The following CAPN3 variants were observed in gnomAD, a reference collection of about 807,000 sequenced individuals.
The protein encoded by CAPN3 is calpain 3.
A neutral mutation model predicts 114.0 loss-of-function variants in CAPN3; 88 were observed. The ratio of observed to expected loss-of-function variants is 0.77; its 90% confidence interval spans 0.65 to 0.92. The LOEUF is 0.92. CAPN3 is among the 40% of genes least tolerant of loss of function. CAPN3 has a pLI of 0.00. For synonymous variants in CAPN3, 386 were observed against 382.9 expected (o/e 1.01, Z -0.09); for missense variants, 1,028 against 1,069.0 (o/e 0.96, Z 0.53).
At chr15:42,397,931 G>C (rs2141188882) in intron 9 of CAPN3, among the ~76,000 whole-genome samples, 1 of 151,702 alleles carries the variant, frequency 6.6e-6, no homozygotes, top group Non-Finnish European at 1.5e-5. Context: ...CTGAAGCAGG[G>C]GGTCACTTGA....
intron 16 of CAPN3, 72 bp downstream of exon 16, chr15:42,408,396 G>T (rs768490574): frequency 9.9e-6 from 9 of 906,278 alleles, no homozygotes. Flanking sequence ...GGGATACACA[G>T]GGGCTGGAGG....
At chr15:42,388,021 G>T in intron 4 of CAPN3, 135 bp downstream of exon 4, 1 of 993,446 alleles carries the variant, frequency 1.0e-6, no homozygotes, top group Non-Finnish European at 1.6e-6. Flanking sequence ...GTCCAACTGT[G>T]ACCCAAAGTT....
chr15:42,403,793 C>T lies in CAPN3; in HGVS notation c.1782+16C>T. On this transcript the variant is annotated intron_variant, in intron 14 of 23. Transcript: ENST00000397163. The stretch of plus-strand genomic sequence containing the variant: ...TCGGCCAGTGGTGAGTGGTTTAGAT[C>T]TTCTGTGCGAAAAGTCCAGAGGGTC... 4 of 1,613,296 alleles carry T rather than the reference C, an allele frequency of 2.5e-6. No individual in the cohort carries two copies. The highest frequency in any genetic ancestry group is 3.4e-6 in the Non-Finnish European group (4 of 1,179,276).
intron 14 of CAPN3, chr15:42,404,049 C>T (rs924429740): frequency 1.7e-6 from 1 of 572,330 alleles, no homozygotes; most frequent in Admixed American, 2.2e-5. Context: ...TCGGAGGGAA[C>T]AAGGCCACAG....
rs748952956 is a variant in CAPN3 at position 42,359,829 on chromosome 15, T to C, written c.24T>C (p.Ser8=). ...CCATGCCGACCGTCATTAGCGCATC[T>C]GTGGCTCCAAGGACAGCGGCTGAGC... is the stretch of plus-strand genomic sequence containing the variant. MPTVISA[S]VAPRTAAEPR... Residue 8 remains serine (S), a synonymous_variant, in exon 1 of 24, where the codon TCT becomes TCC. Transcript: ENST00000397163. 6.6e-5 allele frequency: 107 copies of C among 1,613,906 alleles called. No individual in the cohort carries two copies. In the South Asian group the frequency reaches 1.2e-3, roughly 18 times the overall value.
At chr15:42,389,915 C>T (rs574822029) in intron 5 of CAPN3, 38 bp from the exon 6 acceptor site, 10 of 1,612,362 alleles carry the variant, frequency 6.2e-6, no homozygotes, top group African/African-American at 5.3e-5. Context: ...TTCTCTCCCT[C>T]CCCTGTGTTG....
intron 13 of CAPN3, among the ~76,000 whole-genome samples, chr15:42,403,524 G>T (rs928753318): frequency 1.3e-5 from 2 of 152,090 alleles, no homozygotes; most frequent in Non-Finnish European, 2.9e-5. Flanking sequence ...CCTTTGGGGG[G>T]CTCTGAGCAA....
intron 17 of CAPN3, among the ~76,000 whole-genome samples, 174 bp from the exon 18 acceptor site, chr15:42,409,613 C>G (rs1482018902): frequency 6.6e-6 from 1 of 152,172 alleles, no homozygotes; most frequent in Non-Finnish European, 1.5e-5. Flanking sequence ...GTCCTGATAG[C>G]TGAGGTGCAG....
In CAPN3 at chr15:42,371,876, A is replaced by G. The variant is rs532481699; in HGVS notation, c.309+11762A>G. On this transcript the variant is annotated intron_variant, in intron 1 of 23. Coordinates refer to ENST00000397163, the MANE Select transcript of CAPN3 (RefSeq NM_000070.3). ...CTACTCGGGAGGCTGAGGCAGGAGA[A>G]TCGCTTGAACCCAGGAGACAGAGGT... Among the ~76,000 whole-genome samples the G allele has an allele frequency of 2.1e-3, 323 of 152,204 alleles. 1 individual carries two copies. The highest frequency in any genetic ancestry group is 7.3e-3 in the African/African-American group (303 of 41,538).
chr15:42,412,199 C>A lies in CAPN3; in HGVS notation c.*426C>A. The A allele has an allele frequency of 6.5e-7, 1 of 1,535,832 alleles. No individual in the cohort carries two copies. Among genetic ancestry groups the A allele is most frequent in the South Asian group, 1.2e-5 (1 of 84,052 alleles). On this transcript the variant is annotated 3_prime_UTR_variant, in exon 24 of 24. Transcript: ENST00000397163. ...GGAACCAAACCAGCACTGGGTTCTA[C>A]TGCTGTGGGGTAAACTAACTCAGTG...
chr15:42,360,090 C>A lies in CAPN3; in HGVS notation c.285C>A (p.Ile95=). Residue 95 remains isoleucine, a synonymous_variant, in exon 1 of 24, where the codon ATC becomes ATA. Transcript: ENST00000397163. ...TSLFYSQKFP[I]QFVWKRPPEI... is the part of the protein sequence containing the mutation. ...TCTTTTATAGCCAGAAGTTCCCCATCCAGTTCGTCTGGAAGAGACCTCCGG... is the reference window on the plus strand; with the variant it reads ...TCTTTTATAGCCAGAAGTTCCCCATACAGTTCGTCTGGAAGAGACCTCCGG... 6.2e-7 allele frequency: 1 copy of A among 1,614,214 alleles called. No homozygotes were observed. The highest frequency in any genetic ancestry group is 1.1e-5 in the South Asian group (1 of 91,086).
At chr15:42,364,322 T>C (rs2052725264) in intron 1 of CAPN3, among the ~76,000 whole-genome samples, 1 of 152,202 alleles carries the variant, frequency 6.6e-6, no homozygotes, top group Admixed American at 6.5e-5. Flanking sequence ...TCTTAATTAA[T>C]TGAGGATTAA....
At chr15:42,408,164 A>C in intron 15 of CAPN3, 47 bp from the exon 16 acceptor site, 1 of 1,304,874 alleles carries the variant, frequency 7.7e-7, no homozygotes, top group Non-Finnish European at 1.1e-6. Flanking sequence ...GTGCCTGTTC[A>C]GACTGTAATC....
chr15:42,398,585 A>G (rs1347127580), intron 9 of CAPN3, among the ~76,000 whole-genome samples: 2 of 114,222 alleles, frequency 1.8e-5, no homozygotes, highest in Non-Finnish European at 3.4e-5. Context: ...CTCTGTCTCA[A>G]AAAATACACA....
intron 14 of CAPN3, chr15:42,404,988 T>A: frequency 1.0e-6 from 1 of 993,376 alleles, no homozygotes; most frequent in Non-Finnish European, 1.2e-6. Context: ...GGGGTTTTGA[T>A]GTCCCTGCAC....
chr15:42,398,243 C>A (rs2053757551), intron 9 of CAPN3, among the ~76,000 whole-genome samples: 1 of 151,838 alleles, frequency 6.6e-6, no homozygotes, highest in African/African-American at 2.4e-5. Context: ...AAATATGTAT[C>A]TTTTCTTTGT....
At chr15:42,374,833 C>T (rs1248371977) in intron 1 of CAPN3, among the ~76,000 whole-genome samples, 2 of 116,806 alleles carry the variant, frequency 1.7e-5, no homozygotes, top group Non-Finnish European at 3.3e-5. Flanking sequence ...GAGAGACTTG[C>T]TCTGTCACCC....
At chr15:42,410,044 G>C in intron 19 of CAPN3, 49 bp downstream of exon 19, 2 of 1,564,354 alleles carry the variant, frequency 1.3e-6, no homozygotes, top group Non-Finnish European at 1.8e-6. Context: ...AGCCCACGGG[G>C]GCCAAGGCAA....
In CAPN3 at chr15:42,402,755, C is replaced by T. The variant is rs758044777; in HGVS notation, c.1537-39C>T. 770 of 1,603,356 alleles carry T rather than the reference C, an allele frequency of 4.8e-4. 8 individuals are homozygous for T. The highest frequency in any genetic ancestry group is 6.7e-5 in the East Asian group (3 of 44,812). On this transcript the variant is annotated intron_variant, in intron 12 of 23. Transcript: ENST00000397163. ...CTGTGGCAGGACAGGATGTTCCTCC[C>T]GAGGGGCTCATGTGCCCTGGGCTCT... is the stretch of plus-strand genomic sequence containing the variant.
Sources: gnomAD v4.1 joint callset for allele counts (sites outside exome capture counted in the v4.1 genomes callset) on GRCh38, gnomAD v4.1.1 for gene constraint, MANE v1.5 for transcripts, NCBI Gene and HGNC (gene_info 2026-07-23, HGNC 2026-07-21) for gene names.